Variants in MARCHF1 observed in about 807,000 individuals in gnomAD.
The protein encoded by MARCHF1 is E3 ubiquitin-protein ligase MARCHF1.
Under a neutral mutation model 54.2 loss-of-function variants are expected in MARCHF1, and 40 were observed. The observed-to-expected ratio is 0.74, with a 90% confidence interval of 0.57 to 0.96. The LOEUF is 0.96. MARCHF1 is among the 40% of genes least tolerant of loss of function. MARCHF1 has a pLI of 0.00. For missense variants in MARCHF1, 586 were observed against 656.5 expected (o/e 0.89, Z 1.17); for synonymous variants, 236 against 236.3 (o/e 1.00, Z 0.01).
At chr4:163,779,055 A>C (rs929914586) in intron 4 of MARCHF1, among the ~76,000 whole-genome samples, 1 of 152,196 alleles carries the variant, frequency 6.6e-6, no homozygotes, top group African/African-American at 2.4e-5. Context: ...CTTTTCAAAA[A>C]TGTATTGTCT....
Position 164,077,209 on chromosome 4 carries a change from C to A in MARCHF1, c.-248+34379G>T, listed in dbSNP as rs183982256. On this transcript the variant is annotated intron_variant, in intron 2 of 9. Transcript: ENST00000514618. ...ATAGACCAATGGAACAGAACAGAGT[C>A]TTGAGAAATAATGCCACATATCTGC... Among the ~76,000 whole-genome samples the A allele has an allele frequency of 2.1e-3, 314 of 152,162 alleles. 1 individual carries two copies. Among genetic ancestry groups the A allele is most frequent in the African/African-American group, 7.4e-3 (307 of 41,512 alleles).
At chr4:164,351,211 G>A (rs1424317949) in intron 1 of MARCHF1, among the ~76,000 whole-genome samples, 3 of 150,746 alleles carry the variant, frequency 2.0e-5, no homozygotes, top group Admixed American at 2.0e-4. Flanking sequence ...GCCCAGGCTT[G>A]CTTAGGTAAA....
intron 1 of MARCHF1, among the ~76,000 whole-genome samples, chr4:164,333,177 T>C (rs924002843): frequency 1.3e-5 from 2 of 152,184 alleles, no homozygotes; most frequent in African/African-American, 4.8e-5. Flanking sequence ...TCTCCACATG[T>C]GTTTCAGACT....
intron 9 of MARCHF1, among the ~76,000 whole-genome samples, chr4:163,531,185 A>C (rs997844444): frequency 3.3e-5 from 5 of 151,908 alleles, no homozygotes; most frequent in African/African-American, 1.2e-4. Context: ...TACTATGAAG[A>C]AAAGTTATAG....
chr4:163,669,381 T>C (rs1178427861), intron 5 of MARCHF1, among the ~76,000 whole-genome samples: 1 of 152,066 alleles, frequency 6.6e-6, no homozygotes, highest in Admixed American at 6.6e-5. Context: ...TTGAAATAAT[T>C]TGAAATTTGA....
At chr4:164,147,467 T>C (rs981973982) in intron 1 of MARCHF1, among the ~76,000 whole-genome samples, 30 of 114,446 alleles carry the variant, frequency 2.6e-4, no homozygotes, top group Non-Finnish European at 3.4e-4. Context: ...ATGTGGCAGA[T>C]ATACACCATG....
intron 4 of MARCHF1, among the ~76,000 whole-genome samples, chr4:163,789,058 A>G (rs1747699205): frequency 6.6e-6 from 1 of 151,870 alleles, no homozygotes; most frequent in South Asian, 2.1e-4. Context: ...CATTCTTTCT[A>G]CATTTTTTGT....
At chr4:163,639,663 C>T (rs900744756) in intron 5 of MARCHF1, among the ~76,000 whole-genome samples, 1 of 152,184 alleles carries the variant, frequency 6.6e-6, no homozygotes, top group Non-Finnish European at 1.5e-5. Context: ...AAAATCTTCC[C>T]TGCTTGTCTA....
intron 3 of MARCHF1, among the ~76,000 whole-genome samples, chr4:163,909,997 A>G (rs1751155764): frequency 6.6e-6 from 1 of 152,202 alleles, no homozygotes; most frequent in Admixed American, 6.5e-5. Context: ...ATTAGAGTAC[A>G]CTGGAAATAA....
chr4:164,035,582 G>A (rs1475701480), intron 2 of MARCHF1, among the ~76,000 whole-genome samples: 2 of 143,480 alleles, frequency 1.4e-5, no homozygotes, highest in Non-Finnish European at 3.0e-5. Context: ...ACCTTTTAGG[G>A]AAGAAAATAT....
chr4:163,981,331 T>C (rs1752758720), intron 3 of MARCHF1, among the ~76,000 whole-genome samples: 1 of 152,204 alleles, frequency 6.6e-6, no homozygotes, highest in Non-Finnish European at 1.5e-5. Flanking sequence ...ATGAGTGGGA[T>C]AGTCAAGGTG....
intron 4 of MARCHF1, among the ~76,000 whole-genome samples, chr4:163,775,566 G>A (rs924984162): frequency 6.6e-6 from 1 of 152,140 alleles, no homozygotes; most frequent in African/African-American, 2.4e-5. Flanking sequence ...TTCAGTTCAA[G>A]AAGATACAAG....
At chr4:163,901,333 CAT>C (rs1750936498) in intron 3 of MARCHF1, among the ~76,000 whole-genome samples, 1 of 152,136 alleles carries the variant, frequency 6.6e-6, no homozygotes. Context: ...GCAGGGCTAG[CAT>C]ATGTCTTGTT....
In MARCHF1 at chr4:164,307,011, C is replaced by T. The variant is rs1029342077; in HGVS notation, c.-323+76859G>A. On this transcript the variant is annotated intron_variant, in intron 1 of 9. Coordinates refer to ENST00000514618, the MANE Select transcript of MARCHF1 (RefSeq NM_001394959.1). ...TAATGATTTTCTTCTCATTTTTTAG[C>T]TATATAAAGTTAAAATTTACTTTAA... is the stretch of plus-strand genomic sequence containing the variant. 8.5e-5 allele frequency among the ~76,000 whole-genome samples: 13 copies of T among 152,130 alleles called. No homozygotes were observed. In the East Asian group the frequency reaches 2.5e-3, roughly 29 times the overall value.
intron 2 of MARCHF1, among the ~76,000 whole-genome samples, chr4:164,078,919 T>TA (rs35602415): frequency 0.05 from 7,347 of 147,790 alleles, 245 homozygotes; most frequent in Middle Eastern, 0.15. Context: ...TAAAGTATAA[T>TA]AAAAAAAAAA....
intron 2 of MARCHF1, among the ~76,000 whole-genome samples, chr4:164,027,013 T>C (rs928599258): frequency 1.3e-5 from 2 of 151,686 alleles, no homozygotes; most frequent in Non-Finnish European, 2.9e-5. Flanking sequence ...AAATACCTAG[T>C]AATATGTCTA....
At chr4:163,723,853 G>C (rs1444870065) in intron 4 of MARCHF1, among the ~76,000 whole-genome samples, 1 of 152,130 alleles carries the variant, frequency 6.6e-6, no homozygotes, top group African/African-American at 2.4e-5. Flanking sequence ...CGTAGTTCTT[G>C]TGCCATGGTT....
intron 3 of MARCHF1, among the ~76,000 whole-genome samples, chr4:163,913,621 T>C (rs997474267): frequency 1.7e-4 from 26 of 152,160 alleles, no homozygotes; most frequent in African/African-American, 6.3e-4. Flanking sequence ...TGTAACTTGA[T>C]AGTCAATGTT....
chr4:164,197,138 C>T (rs1390492546), intron 1 of MARCHF1: 2 of 1,604,436 alleles, frequency 1.2e-6, no homozygotes, highest in Non-Finnish European at 1.7e-6. Flanking sequence ...TCACCTTCCT[C>T]CTCCTCCTCC....
Sources: allele counts gnomAD v4.1 joint callset (sites outside exome capture counted in the v4.1 genomes callset), GRCh38; gene constraint gnomAD v4.1.1; transcripts MANE v1.5; gene names NCBI Gene and HGNC (gene_info 2026-07-23, HGNC 2026-07-21).